The following PHAX variants were observed in gnomAD, a reference collection of about 807,000 sequenced individuals.
PHAX encodes the protein phosphorylated adaptor for RNA export.
In PHAX, 31 loss-of-function variants were observed where a neutral mutation model predicts 41.6. The ratio of observed to expected loss-of-function variants is 0.75; its 90% CI spans 0.56 to 1.01. The LOEUF (loss-of-function observed/expected upper bound fraction) is 1.01. Ranked by LOEUF, PHAX falls within the 50% of genes least tolerant of loss-of-function variation. The pLI, the probability that PHAX is intolerant of heterozygous loss-of-function variation, is 0.00. For missense variants in PHAX, 453 were observed against 472.9 expected, an observed-to-expected ratio of 0.96 and a Z score of 0.39; for synonymous variants, 175 against 164.9, an observed-to-expected ratio of 1.06 and a Z score of -0.47.
intron 1 of PHAX, among the ~76,000 whole-genome samples, chr5:126,602,844 A>T (rs778503534): frequency 2.0e-5 from 3 of 152,000 alleles, no homozygotes; most frequent in Non-Finnish European, 4.4e-5. Flanking sequence ...CTCTACTAAA[A>T]ATACAAAAAA....
intron 4 of PHAX, among the ~76,000 whole-genome samples, chr5:126,618,773 C>T (rs1002974117): frequency 1.3e-5 from 2 of 152,058 alleles, no homozygotes; most frequent in African/African-American, 4.8e-5. Flanking sequence ...AGTCCCCTGC[C>T]TCAGCCTCCT....
chr5:126,606,746 G>A (rs1040993729), intron 2 of PHAX, among the ~76,000 whole-genome samples: 1 of 152,106 alleles, frequency 6.6e-6, no homozygotes, highest in Non-Finnish European at 1.5e-5. Context: ...CCGCCTCCTG[G>A]GTTCAATCAA....
chr5:126,603,429 A>G (rs2112828239), intron 1 of PHAX, 141 bp from the exon 2 acceptor site: 1 of 879,056 alleles, frequency 1.1e-6, no homozygotes, highest in South Asian at 1.8e-5. Flanking sequence ...TTAGAAAAGT[A>G]GGAACTTGAT....
intron 2 of PHAX, among the ~76,000 whole-genome samples, chr5:126,607,605 G>A (rs773187379): frequency 6.6e-6 from 1 of 151,672 alleles, no homozygotes; most frequent in Non-Finnish European, 1.5e-5. Context: ...GTTTCTCCAC[G>A]TTAGTCAGAC....
chr5:126,619,214 A>C (rs1043465765), intron 4 of PHAX, among the ~76,000 whole-genome samples: 17 of 152,114 alleles, frequency 1.1e-4, no homozygotes, highest in Admixed American at 3.9e-4. Context: ...GGTGTTAGCC[A>C]CCTTGCCTGG....
At chr5:126,614,975 A>C (rs1261258587) in intron 3 of PHAX, among the ~76,000 whole-genome samples, 1 of 150,848 alleles carries the variant, frequency 6.6e-6, no homozygotes, top group Non-Finnish European at 1.5e-5. Context: ...CTGGTCTCAA[A>C]CTCCTGACCT....
At chr5:126,604,437 G>C (rs937298235) in intron 2 of PHAX, among the ~76,000 whole-genome samples, 5 of 151,692 alleles carry the variant, frequency 3.3e-5, no homozygotes, top group African/African-American at 1.2e-4. Flanking sequence ...GCTATTCTTT[G>C]TATTTTTAAT....
rs543154844 is a variant in PHAX, at chr5:126,624,008, GT to G, written c.916-549del. On this transcript the variant is annotated intron_variant, in intron 4 of 4. Coordinates refer to ENST00000297540, the MANE Select transcript of PHAX (RefSeq NM_032177.4). ...ACTTTTTGTTTTGGTTTGGTTTTGGGTTTTTTTTTTTTTTTTTTGAGACACA... is the reference window on the plus strand; with the variant it reads ...ACTTTTTGTTTTGGTTTGGTTTTGGGTTTTTTTTTTTTTTTTTGAGACACA... Among the ~76,000 whole-genome samples, 601 of 130,176 alleles carry G rather than the reference GT, an allele frequency of 4.6e-3. 1 individual carries two copies. The highest frequency in any genetic ancestry group is 7.3e-3 in the African/African-American group (254 of 34,740). The allele number at this position is 130,176 out of a possible 152,430, so 85.4% of individuals were successfully genotyped here. A position where few individuals can be genotyped will look rare whatever the true frequency, so the allele number is the denominator to read the frequency against.
rs61747691 is a variant in PHAX at position 126,624,760 on chromosome 5, G to A, written c.1101G>A (p.Glu367=). 1 of 1,614,118 alleles carries A rather than the reference G, an allele frequency of 6.2e-7. No homozygotes were observed. Among genetic ancestry groups the A allele is most frequent in the Non-Finnish European group, 8.5e-7 (1 of 1,180,014 alleles). Residue 367 remains glutamate (E), a synonymous_variant, in exon 5 of 5, where the codon GAG becomes GAA. Transcript: ENST00000297540. Reference sequence around the variant, plus strand: ...ATGAGGCCTTGGCCTCTCTTGATGAGTCACAGGAAGGACATGCAGAAGCCA... The same window carrying A: ...ATGAGGCCTTGGCCTCTCTTGATGAATCACAGGAAGGACATGCAGAAGCCA... ...DTNEALASLD[E]SQEGHAEAKL... is the part of the protein sequence containing the mutation.
intron 3 of PHAX, among the ~76,000 whole-genome samples, chr5:126,611,790 CGA>C (rs1561680775): frequency 5.8e-5 from 7 of 120,862 alleles, no homozygotes; most frequent in Admixed American, 1.8e-4. Flanking sequence ...GACCCTGTCT[CGA>C]AAAAAAAAAA....
chr5:126,619,444 C>T (rs1047647526), intron 4 of PHAX, among the ~76,000 whole-genome samples: 5 of 151,918 alleles, frequency 3.3e-5, no homozygotes, highest in Admixed American at 1.3e-4. Flanking sequence ...GGCATGGTGG[C>T]GGGCGCCTGT....
rs1416492265 is a variant in PHAX, at chr5:126,626,757, A to C, written c.*1913A>C. 7.0e-6 allele frequency: 1 copy of C among 143,872 alleles called. No individual in the cohort carries two copies. The highest frequency in any genetic ancestry group is 1.5e-5 in the Non-Finnish European group (1 of 66,216). The allele number at this position is 143,872 out of a possible 1,614,324, so 8.9% of individuals were successfully genotyped here. A position where few individuals can be genotyped will look rare whatever the true frequency, so the allele number is the denominator to read the frequency against. On this transcript the variant is annotated 3_prime_UTR_variant, in exon 5 of 5. Transcript: ENST00000297540. ...TCTCAAAAAAAAAAAAAAAAATACA[A>C]AAAATTAGCCGGGCATTGTGGTGCA...
chr5:126,608,541 G>GTTTTTC, intron 3 of PHAX, 57 bp downstream of exon 3: 1 of 1,455,534 alleles, frequency 6.9e-7, no homozygotes. Context: ...TTTTGTTTTT[G>GTTTTTC]ATTACAAATT....
intron 3 of PHAX, among the ~76,000 whole-genome samples, chr5:126,609,095 ATTTTT>A (rs761125079): frequency 9.9e-5 from 10 of 101,254 alleles, no homozygotes; most frequent in Admixed American, 1.2e-4. Context: ...TAGGGGTTGA[ATTTTT>A]TTTTTTTTTT....
rs367961657 is a variant in PHAX, at chr5:126,608,394, C to A, written c.741C>A (p.Ala247=). 1 of 1,613,124 alleles carries A rather than the reference C, an allele frequency of 6.2e-7. No individual in the cohort carries two copies. The highest frequency in any genetic ancestry group is 8.5e-7 in the Non-Finnish European group (1 of 1,179,368). ...RLQEPKKDLI[A]RVVRIIGNKK... ...AGGAACCAAAGAAAGACCTGATAGC[C>A]CGAGTAGTGAGGATTATTGGTAACA... The change falls in exon 3 of 5, where the codon GCC becomes GCA. Residue 247 remains alanine (A), a synonymous_variant. Transcript: ENST00000297540.
At chr5:126,623,264 G>T (rs774502101) in intron 4 of PHAX, among the ~76,000 whole-genome samples, 63 of 152,256 alleles carry the variant, frequency 4.1e-4, no homozygotes, top group Non-Finnish European at 8.1e-4. Context: ...TCCAGCTTGG[G>T]TGACAGCGAG....
rs1234976226 is a variant in PHAX, at chr5:126,626,014, C to T, written c.*1170C>T. ...CCAGCCTTATTCTGCTTAAATTTAA[C>T]GTGTTTTTTGACTTCTTAATTAACT... On this transcript the variant is annotated 3_prime_UTR_variant, in exon 5 of 5. Transcript: ENST00000297540. 3 of 152,112 alleles carry T rather than the reference C, an allele frequency of 2.0e-5. No homozygotes were observed. The highest frequency in any genetic ancestry group is 2.9e-5 in the Non-Finnish European group (2 of 68,034). 9.4% of individuals were successfully genotyped at this position (152,112 alleles called of 1,614,324 possible).
At position 126,626,628 on chromosome 5, in the gene PHAX, T is replaced by C. The variant is rs1156593405; in HGVS notation, c.*1784T>C. ...GGCGCATGCCTGTAGTCCCAACTAC[T>C]AGGGAGGCTGAGGCAGGAGAATCAC... On this transcript the variant is annotated 3_prime_UTR_variant, in exon 5 of 5. Transcript: ENST00000297540. 6.6e-6 allele frequency: 1 copy of C among 150,480 alleles called. No homozygotes were observed. Among genetic ancestry groups the C allele is most frequent in the African/African-American group, 2.5e-5 (1 of 40,514 alleles). 9.3% of individuals were successfully genotyped at this position (150,480 alleles called of 1,614,324 possible). A position where few individuals can be genotyped will look rare whatever the true frequency, so the allele number is the denominator to read the frequency against.
chr5:126,605,148 C>G (rs2112829440), intron 2 of PHAX, among the ~76,000 whole-genome samples: 1 of 152,026 alleles, frequency 6.6e-6, no homozygotes, highest in East Asian at 1.9e-4. Flanking sequence ...TATGCATCAA[C>G]CACTGCGCTG....
Sources: allele counts gnomAD v4.1 joint callset (sites outside exome capture counted in the v4.1 genomes callset), GRCh38; gene constraint gnomAD v4.1.1; transcripts MANE v1.5; gene names NCBI Gene and HGNC (gene_info 2026-07-23, HGNC 2026-07-21).